Variants in AGBL1 observed in about 807,000 individuals in gnomAD.
The protein encoded by AGBL1 is AGBL carboxypeptidase 1, also known as cytosolic carboxypeptidase 4.
Under a neutral mutation model 118.9 loss-of-function variants are expected in AGBL1, and 130 were observed. That is an observed-to-expected ratio of 1.09 (90% confidence interval 0.95 to 1.26). AGBL1 has a LOEUF of 1.26. AGBL1 is among the 50% of genes most tolerant of loss of function. The pLI is 0.00. For missense variants in AGBL1, 1,584 were observed against 1,298.1 expected (o/e 1.22, Z -3.38); for synonymous variants, 555 against 478.9 (o/e 1.16, Z -2.08).
Position 86,573,816 on chromosome 15 carries a change from T to C in AGBL1, c.2994+19279T>C, listed in dbSNP as rs141538303. Among the ~76,000 whole-genome samples, 401 of 152,266 alleles carry C rather than the reference T, an allele frequency of 2.6e-3. 3 individuals are homozygous for C. The highest frequency in any genetic ancestry group is 9.0e-3 in the African/African-American group (375 of 41,550). On this transcript the variant is annotated intron_variant, in intron 21 of 22. Coordinates refer to ENST00000614907, the MANE Select transcript of AGBL1 (RefSeq NM_001386094.1). ...CGGAAAGATACAAAATGTTTCAAAC[T>C]CCTCAGACTGATAAAGAGTAGTAAA...
intron 18 of AGBL1, among the ~76,000 whole-genome samples, chr15:86,498,254 C>T (rs1371772757): frequency 2.6e-5 from 4 of 151,794 alleles, no homozygotes; most frequent in African/African-American, 9.7e-5. Flanking sequence ...TTATCTCCTT[C>T]ACATATTTAT....
At chr15:86,926,658 G>C (rs1269748118) in intron 23 of AGBL1, among the ~76,000 whole-genome samples, 1 of 152,160 alleles carries the variant, frequency 6.6e-6, no homozygotes, top group Non-Finnish European at 1.5e-5. Flanking sequence ...TTGTTGAAGA[G>C]TTTGAATTTG....
intron 1 of AGBL1, among the ~76,000 whole-genome samples, chr15:86,108,642 C>T (rs1375374500): frequency 6.6e-6 from 1 of 152,098 alleles, no homozygotes; most frequent in African/African-American, 2.4e-5. Flanking sequence ...CTGGAAAATG[C>T]TCCAAGATCT....
At chr15:86,741,381 CAAAAAAA>C (rs570193876) in intron 22 of AGBL1, among the ~76,000 whole-genome samples, 7 of 30,512 alleles carry the variant, frequency 2.3e-4, no homozygotes, top group African/African-American at 9.5e-4. Context: ...TAAGGCAAAG[CAAAAAAA>C]AAAAAAAAAA....
intron 22 of AGBL1, among the ~76,000 whole-genome samples, chr15:86,811,991 A>C (rs760498980): frequency 4.0e-4 from 61 of 152,346 alleles, no homozygotes; most frequent in Admixed American, 4.6e-4. Flanking sequence ...CTCACTTTTC[A>C]GATCAATCAA....
At chr15:86,900,772 T>A (rs1405673496) in intron 22 of AGBL1, among the ~76,000 whole-genome samples, 1 of 152,086 alleles carries the variant, frequency 6.6e-6, no homozygotes, top group Non-Finnish European at 1.5e-5. Flanking sequence ...AATATCTGGG[T>A]GAAAGATTGT....
At chr15:86,176,737 T>A (rs942809474) in intron 5 of AGBL1, among the ~76,000 whole-genome samples, 2 of 151,652 alleles carry the variant, frequency 1.3e-5, no homozygotes, top group Non-Finnish European at 1.5e-5. Context: ...GTCTGGGGAG[T>A]GTGTGGGATC....
chr15:86,435,345 T>C (rs2081989212), intron 18 of AGBL1, among the ~76,000 whole-genome samples: 1 of 152,210 alleles, frequency 6.6e-6, no homozygotes, highest in African/African-American at 2.4e-5. Flanking sequence ...CTGTGAATTA[T>C]GAAGATATTC....
chr15:86,099,076 A>G (rs955365955), intron 1 of AGBL1, among the ~76,000 whole-genome samples: 3 of 152,160 alleles, frequency 2.0e-5, no homozygotes, highest in Non-Finnish European at 4.4e-5. Context: ...GCACACAGCA[A>G]AAGTTGTGCT....
rs148380095 is a variant in AGBL1 at position 86,513,974 on chromosome 15, C to T, written c.2556-8836C>T. ...ACTGATATTCTTTTCTTCTGCCCCA[C>T]CTCTGAAACCAGGCATTTCTTCAAG... On this transcript the variant is annotated intron_variant, in intron 18 of 22. Transcript: ENST00000614907. 1.6e-4 allele frequency among the ~76,000 whole-genome samples: 24 copies of T among 152,088 alleles called. No homozygotes were observed. In the East Asian group the frequency reaches 4.4e-3, roughly 28 times the overall value.
chr15:86,179,201 A>G (rs968987203), intron 5 of AGBL1, among the ~76,000 whole-genome samples: 1 of 152,240 alleles, frequency 6.6e-6, no homozygotes, highest in African/African-American at 2.4e-5. Context: ...GTTAAGCATT[A>G]TGAGAGCACA....
chr15:86,136,387 C>T (rs2076889338), intron 1 of AGBL1, among the ~76,000 whole-genome samples: 1 of 152,184 alleles, frequency 6.6e-6, no homozygotes, highest in Admixed American at 6.5e-5. Flanking sequence ...AGAGGCCAGG[C>T]CACCACAGTG....
At chr15:86,265,464 T>C (rs766755817) in intron 11 of AGBL1, among the ~76,000 whole-genome samples, 3 of 152,030 alleles carry the variant, frequency 2.0e-5, no homozygotes, top group Non-Finnish European at 4.4e-5. Context: ...AAATGAAAAC[T>C]GCTAAAGGCA....
intron 22 of AGBL1, among the ~76,000 whole-genome samples, chr15:86,727,756 T>A (rs200261862): frequency 6.6e-6 from 1 of 152,214 alleles, no homozygotes; most frequent in East Asian, 1.9e-4. Context: ...ATTTATAGAC[T>A]CAGAGAATCA....
intron 22 of AGBL1, among the ~76,000 whole-genome samples, chr15:86,740,741 G>T (rs187460220): frequency 2.0e-5 from 3 of 152,116 alleles, no homozygotes; most frequent in South Asian, 2.1e-4. Flanking sequence ...TTCTATTCAG[G>T]ATCTTTTTAC....
chr15:86,712,566 C>T (rs1306664905), intron 22 of AGBL1, among the ~76,000 whole-genome samples: 1 of 152,042 alleles, frequency 6.6e-6, no homozygotes, highest in Admixed American at 6.6e-5. Flanking sequence ...TTAGTTAATA[C>T]AGCAGAGAAA....
intron 22 of AGBL1, among the ~76,000 whole-genome samples, chr15:86,683,067 G>A (rs1199136909): frequency 6.6e-6 from 1 of 152,128 alleles, no homozygotes; most frequent in Non-Finnish European, 1.5e-5. Context: ...AATAATAGAT[G>A]AAAAGCAAAG....
rs375174605 is a variant in AGBL1, at chr15:86,690,559, G to A, written c.3158+16123G>A. 1.4e-3 allele frequency among the ~76,000 whole-genome samples: 215 copies of A among 152,260 alleles called. 1 individual carries two copies. The highest frequency in any genetic ancestry group is 5.1e-3 in the African/African-American group (210 of 41,558). Reference sequence around the variant, plus strand: ...CATGGGTAATCCACTGCAGAGGTAGGTTTGAAAAGTGGCAAGGAACTGGGA... The same window carrying A: ...CATGGGTAATCCACTGCAGAGGTAGATTTGAAAAGTGGCAAGGAACTGGGA... On this transcript the variant is annotated intron_variant, in intron 22 of 22. Transcript: ENST00000614907.
At chr15:86,921,691 A>T (rs9672618) in intron 23 of AGBL1, among the ~76,000 whole-genome samples, 62,897 of 151,970 alleles carry the variant, frequency 0.41, 15,291 homozygotes, top group Non-Finnish European at 0.55. Flanking sequence ...CAGGAATAGG[A>T]TGCAGTAGAA....
Sources: allele counts gnomAD v4.1 joint callset (sites outside exome capture counted in the v4.1 genomes callset), GRCh38; gene constraint gnomAD v4.1.1; transcripts MANE v1.5; gene names NCBI Gene and HGNC (gene_info 2026-07-23, HGNC 2026-07-21).